The following SH2D4A variants were observed in gnomAD, a reference collection of about 807,000 sequenced individuals.
SH2D4A encodes SH2 domain containing 4A.
A neutral mutation model predicts 64.7 loss-of-function variants in SH2D4A; 70 were observed. That is an observed-to-expected ratio of 1.08 (90% CI 0.89 to 1.32). The LOEUF (loss-of-function observed/expected upper bound fraction) is 1.32. SH2D4A is among the 40% of genes most tolerant of loss of function. The probability of loss-of-function intolerance (pLI) is 0.00; values close to 1 mark genes in which losing one functional copy is unlikely to be tolerated. For missense variants in SH2D4A, 706 were observed against 540.1 expected (o/e 1.31, Z -3.04); for synonymous variants, 268 against 200.7 (o/e 1.34, Z -2.83).
At chr8:19,321,629 A>G (rs1263784782) in intron 2 of SH2D4A, among the ~76,000 whole-genome samples, 1 of 152,238 alleles carries the variant, frequency 6.6e-6, no homozygotes, top group African/African-American at 2.4e-5. Context: ...CCTCCAACAA[A>G]TAACATGGCC....
Position 19,361,241 on chromosome 8 carries a change from A to G in SH2D4A, c.633A>G (p.Ile211Met). The change falls in exon 6 of 10, where the codon ATA becomes ATG. Residue 211 changes from isoleucine (I) to methionine (M), a missense_variant. By Grantham distance (10) the Ile-to-Met change is conservative. Coordinates refer to ENST00000265807, the MANE Select transcript of SH2D4A (RefSeq NM_022071.4). Reference sequence around the variant, plus strand: ...TGAAGAAAAAACAAGATGAAGAAATAAATCAAATAGAAGAAGAGAGAACGA... The same window carrying G: ...TGAAGAAAAAACAAGATGAAGAAATGAATCAAATAGAAGAAGAGAGAACGA... ...ESMKKKQDEEINQIEEERTKQ... is the reference protein window; with the variant it reads ...ESMKKKQDEEMNQIEEERTKQ... The G allele has an allele frequency of 6.3e-7, 1 of 1,594,648 alleles. No homozygotes were observed. Among genetic ancestry groups the G allele is most frequent in the South Asian group, 1.1e-5 (1 of 88,942 alleles).
At chr8:19,326,771 G>A (rs1356725681) in intron 2 of SH2D4A, among the ~76,000 whole-genome samples, 1 of 152,092 alleles carries the variant, frequency 6.6e-6, no homozygotes, top group South Asian at 2.1e-4. Context: ...AGTGGGGGTG[G>A]AGACCAAGAG....
chr8:19,379,778 CT>C (rs2053261138), intron 8 of SH2D4A, among the ~76,000 whole-genome samples: 1 of 152,110 alleles, frequency 6.6e-6, no homozygotes, highest in Non-Finnish European at 1.5e-5. Context: ...GCTCTGTTGC[CT>C]AGGCTGGAGC....
At chr8:19,361,010 A>T (rs1429924696) in intron 5 of SH2D4A, 193 bp from the exon 6 acceptor site, 1 of 397,020 alleles carries the variant, frequency 2.5e-6, no homozygotes, top group Non-Finnish European at 4.6e-6. Context: ...CACACTAGCT[A>T]GCAATGGTCA....
chr8:19,351,588 G>C (rs1295266678), intron 4 of SH2D4A, among the ~76,000 whole-genome samples: 1 of 151,856 alleles, frequency 6.6e-6, no homozygotes, highest in African/African-American at 2.4e-5. Context: ...GGGCAACAGA[G>C]TGAGACTCTG....
intron 4 of SH2D4A, among the ~76,000 whole-genome samples, chr8:19,344,709 G>T (rs944597966): frequency 6.6e-6 from 1 of 152,154 alleles, no homozygotes; most frequent in South Asian, 2.1e-4. Flanking sequence ...AGGCTGTCGG[G>T]TCAGTAGTAT....
At chr8:19,362,237 C>T (rs2052902686) in intron 6 of SH2D4A, among the ~76,000 whole-genome samples, 1 of 152,186 alleles carries the variant, frequency 6.6e-6, no homozygotes, top group African/African-American at 2.4e-5. Flanking sequence ...GCTCTTTGTA[C>T]TATGCACTGA....
At chr8:19,327,532 A>G (rs1286399164) in intron 2 of SH2D4A, among the ~76,000 whole-genome samples, 2 of 151,668 alleles carry the variant, frequency 1.3e-5, no homozygotes, top group Non-Finnish European at 2.9e-5. Context: ...GCTTTCCTCA[A>G]CTCCTTGTCA....
At chr8:19,363,954 T>C (rs1014089701) in intron 6 of SH2D4A, 118 bp from the exon 7 acceptor site, 1 of 881,358 alleles carries the variant, frequency 1.1e-6, no homozygotes, top group South Asian at 1.7e-5. Context: ...TTCCTTATTA[T>C]AAGCAGACAA....
intron 1 of SH2D4A, among the ~76,000 whole-genome samples, chr8:19,318,472 C>T (rs778709805): frequency 6.6e-6 from 1 of 152,122 alleles, no homozygotes; most frequent in African/African-American, 2.4e-5. Flanking sequence ...GTAGGATTTC[C>T]AACCACAGGA....
intron 8 of SH2D4A, among the ~76,000 whole-genome samples, chr8:19,388,660 T>A (rs1464769328): frequency 6.6e-6 from 1 of 152,236 alleles, no homozygotes; most frequent in Non-Finnish European, 1.5e-5. Context: ...CCAAATAATA[T>A]TAGACCTCGT....
rs2052034073 is a variant in SH2D4A at position 19,313,721 on chromosome 8, G to A, written c.-307G>A. On this transcript the variant is annotated 5_prime_UTR_variant, in exon 1 of 10. Transcript: ENST00000265807. The stretch of plus-strand genomic sequence containing the variant: ...TTTGCTCAGCCCGCCTGCGCCGCTT[G>A]GGACGCCTCTGCCTTTCCCTCCCTC... 6.7e-7 allele frequency: 1 copy of A among 1,499,284 alleles called. No homozygotes were observed. The highest frequency in any genetic ancestry group is 2.1e-5 in the Admixed American group (1 of 48,308). 92.9% of individuals were successfully genotyped at this position (1,499,284 alleles called of 1,614,324 possible).
intron 2 of SH2D4A, among the ~76,000 whole-genome samples, chr8:19,332,751 A>C (rs1351902841): frequency 6.6e-6 from 1 of 151,584 alleles, no homozygotes; most frequent in Non-Finnish European, 1.5e-5. Flanking sequence ...TTTTTAAAAC[A>C]AATATTTTCA....
intron 5 of SH2D4A, among the ~76,000 whole-genome samples, chr8:19,358,800 A>G (rs566160083): frequency 6.6e-6 from 1 of 152,314 alleles, no homozygotes; most frequent in South Asian, 2.1e-4. Flanking sequence ...GGCTTTCTGA[A>G]CGGGCCCAGC....
chr8:19,331,880 T>A (rs2052369309), intron 2 of SH2D4A, among the ~76,000 whole-genome samples: 1 of 152,178 alleles, frequency 6.6e-6, no homozygotes, highest in Non-Finnish European at 1.5e-5. Context: ...GGCTAGGATT[T>A]GAACTCAAGG....
In SH2D4A at chr8:19,382,823, C is replaced by CTTTT. The variant is rs1159245319; in HGVS notation, c.1048+9185_1048+9188dup. Among the ~76,000 whole-genome samples, 234 of 64,638 alleles carry CTTTT rather than the reference C, an allele frequency of 3.6e-3. 2 individuals are homozygous for CTTTT. The highest frequency in any genetic ancestry group is 5.4e-3 in the East Asian group (12 of 2,238). The allele number at this position is 64,638 out of a possible 152,430, so 42.4% of individuals were successfully genotyped here. On this transcript the variant is annotated intron_variant, in intron 8 of 9. Transcript: ENST00000265807. ...TTTCTCTCTTGCTGCTTTTAAGATT[C>CTTTT]TTTTTTTTTTTTTTTTTTTTTTTTT...
chr8:19,328,455 G>T (rs542565630), intron 2 of SH2D4A, among the ~76,000 whole-genome samples: 1 of 152,112 alleles, frequency 6.6e-6, no homozygotes, highest in South Asian at 2.1e-4. Flanking sequence ...CAGGATTCTG[G>T]CATCATCTTT....
intron 2 of SH2D4A, among the ~76,000 whole-genome samples, chr8:19,321,974 G>T (rs985217630): frequency 5.9e-5 from 9 of 152,172 alleles, no homozygotes; most frequent in African/African-American, 2.2e-4. Flanking sequence ...TGTTAACTTT[G>T]TTAGTCAAAT....
At chr8:19,335,087 T>C (rs1295340935) in intron 4 of SH2D4A, among the ~76,000 whole-genome samples, 2 of 151,390 alleles carry the variant, frequency 1.3e-5, no homozygotes, top group African/African-American at 2.4e-5. Flanking sequence ...ATCGAGACCA[T>C]CCTGGCTAAC....
Sources: gnomAD v4.1 joint callset for allele counts (sites outside exome capture counted in the v4.1 genomes callset) on GRCh38, gnomAD v4.1.1 for gene constraint, MANE v1.5 for transcripts, NCBI Gene and HGNC (gene_info 2026-07-23, HGNC 2026-07-21) for gene names.